DPYD: variants seen among roughly 807,000 people sequenced by gnomAD.
DPYD encodes dihydropyrimidine dehydrogenase.
DPYD carries 109 observed loss-of-function variants against 116.2 expected under a neutral mutation model. The ratio of observed to expected loss-of-function variants is 0.94; its 90% CI spans 0.80 to 1.10. DPYD has a LOEUF of 1.10. Among genes scored for constraint, DPYD ranks in the 50% least tolerant of loss-of-function variants. The probability of loss-of-function intolerance (pLI) is 0.00; values close to 1 mark genes in which losing one functional copy is unlikely to be tolerated. For missense variants in DPYD, 1,302 were observed against 1,254.5 expected (o/e 1.04, Z -0.57); for synonymous variants, 440 against 432.0 (o/e 1.02, Z -0.23).
intron 14 of DPYD, among the ~76,000 whole-genome samples, chr1:97,421,861 T>C (rs903453007): frequency 1.3e-5 from 2 of 152,004 alleles, no homozygotes; most frequent in African/African-American, 2.4e-5. Context: ...CAAAAACTGA[T>C]ATGGGGGGAT....
chr1:97,316,141 T>C (rs2101076585), intron 16 of DPYD, among the ~76,000 whole-genome samples: 1 of 151,984 alleles, frequency 6.6e-6, no homozygotes, highest in South Asian at 2.1e-4. Context: ...TAGATGCTAA[T>C]ACTCATTCCA....
intron 7 of DPYD, among the ~76,000 whole-genome samples, chr1:97,681,931 G>T (rs1660447172): frequency 6.6e-6 from 1 of 152,026 alleles, no homozygotes; most frequent in South Asian, 2.1e-4. Flanking sequence ...CTTAATCTTA[G>T]GTTTACTTTA....
intron 3 of DPYD, among the ~76,000 whole-genome samples, chr1:97,749,920 C>A (rs1664781193): frequency 6.6e-6 from 1 of 151,988 alleles, no homozygotes; most frequent in African/African-American, 2.4e-5. Flanking sequence ...TCACCTGGAC[C>A]ATTTCCCCAC....
chr1:97,196,676 G>A (rs773374596), intron 19 of DPYD, among the ~76,000 whole-genome samples: 3 of 152,062 alleles, frequency 2.0e-5, no homozygotes, highest in Non-Finnish European at 2.9e-5. Context: ...TTAATTTTCA[G>A]CCCCATTTTA....
At position 97,653,396 on chromosome 1, in the gene DPYD, C is replaced by A. The variant is rs189915154; in HGVS notation, c.850+25699G>T. Among the ~76,000 whole-genome samples the A allele has an allele frequency of 3.9e-3, 593 of 151,742 alleles. 5 individuals carry two copies. Among genetic ancestry groups the A allele is most frequent in the African/African-American group, 0.014 (572 of 41,368 alleles). Reference sequence around the variant, plus strand: ...CTCAGCTCACTGCAACCTCCGACTCCCGGGTTCAAGCGATTCTCCTGCCTC... The same window carrying A: ...CTCAGCTCACTGCAACCTCCGACTCACGGGTTCAAGCGATTCTCCTGCCTC... On this transcript the variant is annotated intron_variant, in intron 8 of 22. Coordinates refer to ENST00000370192, the MANE Select transcript of DPYD (RefSeq NM_000110.4).
chr1:97,163,708 C>G (rs1397921895), intron 20 of DPYD, among the ~76,000 whole-genome samples: 1 of 152,144 alleles, frequency 6.6e-6, no homozygotes, highest in Admixed American at 6.6e-5. Context: ...CCTTCACCCT[C>G]AAACCCTTTC....
intron 12 of DPYD, among the ~76,000 whole-genome samples, chr1:97,530,056 T>C (rs1649484332): frequency 1.3e-5 from 2 of 152,142 alleles, no homozygotes; most frequent in South Asian, 4.2e-4. Context: ...AGATGCCTCA[T>C]ATAGAGGGAA....
At chr1:97,203,622 TAATAAAAAA>T (rs1431032534) in intron 19 of DPYD, among the ~76,000 whole-genome samples, 3 of 76,524 alleles carry the variant, frequency 3.9e-5, no homozygotes, top group African/African-American at 1.1e-4. Flanking sequence ...ACTTAAAGTA[TAATAAAAAA>T]AATAAAAAAA....
In DPYD at chr1:97,881,862, G is replaced by A. The variant is rs142770769; in HGVS notation, c.150+1402C>T. Among the ~76,000 whole-genome samples the A allele has an allele frequency of 4.6e-5, 7 of 151,778 alleles. No homozygotes were observed. In the East Asian group the frequency reaches 1.2e-3, roughly 25 times the overall value. On this transcript the variant is annotated intron_variant, in intron 2 of 22. Coordinates refer to ENST00000370192, the MANE Select transcript of DPYD (RefSeq NM_000110.4). ...TATATCACACTCTGGGGACTGTTGT[G>A]GGGTGGGGGGTGGAGGGATAGCATT...
chr1:97,411,148 A>T (rs1427501819), intron 14 of DPYD, among the ~76,000 whole-genome samples: 3 of 152,114 alleles, frequency 2.0e-5, no homozygotes, highest in African/African-American at 7.2e-5. Flanking sequence ...AGACATAAAG[A>T]TTTTCATTGC....
chr1:97,492,366 T>C (rs1488292902), intron 13 of DPYD, among the ~76,000 whole-genome samples: 1 of 152,182 alleles, frequency 6.6e-6, no homozygotes, highest in Non-Finnish European at 1.5e-5. Context: ...TGTTCATATG[T>C]AAGTATTGAC....
rs184052332 is a variant in DPYD at position 97,309,238 on chromosome 1, C to T, written c.2059-2941G>A. ...AATGTCTAATACACAAAAACGTCTA[C>T]GTAGATCACAAAGGCTTTATTGGTG... On this transcript the variant is annotated intron_variant, in intron 16 of 22. Transcript: ENST00000370192. Among the ~76,000 whole-genome samples the T allele has an allele frequency of 3.8e-3, 582 of 151,700 alleles. 12 individuals carry two copies. Among genetic ancestry groups the T allele is most frequent in the Non-Finnish European group, 2.3e-3 (158 of 67,786 alleles).
At chr1:97,562,007 C>T (rs1007575702) in intron 11 of DPYD, among the ~76,000 whole-genome samples, 1 of 152,166 alleles carries the variant, frequency 6.6e-6, no homozygotes, top group Non-Finnish European at 1.5e-5. Context: ...ATCTTTCCTC[C>T]TTTATTAGAC....
intron 8 of DPYD, among the ~76,000 whole-genome samples, chr1:97,624,357 A>G (rs993280710): frequency 1.3e-5 from 2 of 152,098 alleles, no homozygotes; most frequent in Non-Finnish European, 2.9e-5. Context: ...AATGGCCTAG[A>G]ATATATGAAA....
intron 14 of DPYD, among the ~76,000 whole-genome samples, chr1:97,402,494 TGTTA>T (rs1673430334): frequency 2.6e-5 from 4 of 152,138 alleles, no homozygotes; most frequent in Non-Finnish European, 1.5e-5. Context: ...TATAATCACT[TGTTA>T]GTTACAGGAT....
chr1:97,726,168 T>C (rs1321955606), intron 4 of DPYD, among the ~76,000 whole-genome samples: 2 of 151,554 alleles, frequency 1.3e-5, no homozygotes, highest in African/African-American at 2.4e-5. Context: ...GCATCTCTAC[T>C]TGACACAAAG....
At chr1:97,098,722 A>C (rs1650446621) in intron 20 of DPYD, 90 bp from the exon 21 acceptor site, 2 of 1,444,988 alleles carry the variant, frequency 1.4e-6, no homozygotes, top group Non-Finnish European at 1.9e-6. Flanking sequence ...ATCAACAAAC[A>C]AATGTGTGTC....
intron 20 of DPYD, among the ~76,000 whole-genome samples, chr1:97,122,068 G>A (rs1169237011): frequency 6.6e-6 from 1 of 152,280 alleles, no homozygotes; most frequent in East Asian, 1.9e-4. Flanking sequence ...TACCAGAGAT[G>A]AGATAAATGG....
intron 20 of DPYD, among the ~76,000 whole-genome samples, chr1:97,188,841 A>G (rs750266562): frequency 4.6e-5 from 7 of 152,214 alleles, no homozygotes; most frequent in Non-Finnish European, 8.8e-5. Context: ...TATTTTGCCA[A>G]GTCAAGAAGG....
Sources: gnomAD v4.1 joint callset for allele counts (sites outside exome capture counted in the v4.1 genomes callset) on GRCh38, gnomAD v4.1.1 for gene constraint, MANE v1.5 for transcripts, NCBI Gene and HGNC (gene_info 2026-07-23, HGNC 2026-07-21) for gene names.